The following MCOLN2 variants were observed in gnomAD, a reference collection of about 807,000 sequenced individuals.
MCOLN2 encodes the protein mucolipin TRP cation channel 2.
In MCOLN2, 57 loss-of-function variants were observed where a neutral mutation model predicts 67.5. The ratio of observed to expected loss-of-function variants is 0.84; its 90% CI spans 0.68 to 1.05. MCOLN2 has a LOEUF of 1.05. Ranked by LOEUF, MCOLN2 falls within the 50% of genes least tolerant of loss-of-function variation. The probability of loss-of-function intolerance (pLI) is 0.00; values close to 1 mark genes in which losing one functional copy is unlikely to be tolerated. For missense variants in MCOLN2, 620 were observed against 678.8 expected (o/e 0.91, Z 0.96); for synonymous variants, 246 against 233.3 (o/e 1.05, Z -0.50).
At chr1:84,989,115 G>A (rs994764731) in intron 1 of MCOLN2, among the ~76,000 whole-genome samples, 1 of 152,104 alleles carries the variant, frequency 6.6e-6, no homozygotes, top group Non-Finnish European at 1.5e-5. Flanking sequence ...TGAAGGGTGG[G>A]TCTTGTTTAT....
intron 7 of MCOLN2, among the ~76,000 whole-genome samples, chr1:84,946,446 G>C (rs1346568099): frequency 2.6e-5 from 4 of 152,222 alleles, no homozygotes; most frequent in Non-Finnish European, 5.9e-5. Flanking sequence ...ATCCTGGAAG[G>C]TAAGTTTAGG....
chr1:84,940,209 G>A (rs1326821293), intron 8 of MCOLN2, among the ~76,000 whole-genome samples: 1 of 152,124 alleles, frequency 6.6e-6, no homozygotes, highest in Non-Finnish European at 1.5e-5. Flanking sequence ...TAAGAAAGGT[G>A]GATATTTACA....
In MCOLN2 at chr1:84,987,529, CATCTAT is replaced by C. The variant is rs1557665761; in HGVS notation, c.77+9261_77+9266del. Among the ~76,000 whole-genome samples the C allele has an allele frequency of 2.2e-3, 25 of 11,220 alleles. 1 individual carries two copies. Among genetic ancestry groups the C allele is most frequent in the African/African-American group, 5.5e-3 (21 of 3,822 alleles). The allele number at this position is 11,220 out of a possible 152,430, so 7.4% of individuals were successfully genotyped here. ...ATGTATACATATGTATATATGTATA[CATCTAT>C]GTATACATAGATGTATACATCTATG... On this transcript the variant is annotated intron_variant, in intron 1 of 13. Coordinates refer to ENST00000370608, the MANE Select transcript of MCOLN2 (RefSeq NM_153259.4).
chr1:84,957,746 C>A (rs374468225), intron 3 of MCOLN2, among the ~76,000 whole-genome samples: 50 of 152,286 alleles, frequency 3.3e-4, no homozygotes, highest in Middle Eastern at 3.4e-3. Context: ...TCTCAGGGAG[C>A]TAGCATTTGA....
At chr1:84,962,033 C>T (rs1483524179) in intron 2 of MCOLN2, among the ~76,000 whole-genome samples, 1 of 151,830 alleles carries the variant, frequency 6.6e-6, no homozygotes, top group Non-Finnish European at 1.5e-5. Flanking sequence ...GGATGAAACA[C>T]AAAAAGACAG....
At chr1:84,947,764 G>C (rs1398838826) in intron 6 of MCOLN2, among the ~76,000 whole-genome samples, 1 of 152,054 alleles carries the variant, frequency 6.6e-6, no homozygotes, top group Middle Eastern at 3.2e-3. Flanking sequence ...TGCTAACAGA[G>C]TGTGTTCTGC....
intron 7 of MCOLN2, 70 bp downstream of exon 7, chr1:84,946,963 A>T (rs1009541304): frequency 1.3e-6 from 1 of 755,986 alleles, no homozygotes. Flanking sequence ...CCATTTAAAT[A>T]CCCCAAGCCA....
intron 1 of MCOLN2, among the ~76,000 whole-genome samples, chr1:84,984,399 T>C (rs1650403652): frequency 6.6e-6 from 1 of 151,902 alleles, no homozygotes. Context: ...ATCAATGCTT[T>C]TGCACAATCC....
chr1:84,940,101 C>T (rs661941), intron 8 of MCOLN2, among the ~76,000 whole-genome samples: 5,172 of 151,886 alleles, frequency 0.034, 297 homozygotes, highest in African/African-American at 0.11. Flanking sequence ...CCAGGCAGGC[C>T]GGCTCCAGAG....
At chr1:84,985,125 T>C (rs1371984247) in intron 1 of MCOLN2, among the ~76,000 whole-genome samples, 1 of 151,934 alleles carries the variant, frequency 6.6e-6, no homozygotes, top group Non-Finnish European at 1.5e-5. Flanking sequence ...AGCCATCTGA[T>C]GGAACGAACC....
intron 1 of MCOLN2, among the ~76,000 whole-genome samples, chr1:84,995,601 A>T (rs1344448904): frequency 2.6e-5 from 4 of 152,180 alleles, no homozygotes; most frequent in Admixed American, 2.6e-4. Flanking sequence ...TAGTCACAAG[A>T]AGCCATCTCT....
chr1:84,965,068 A>G (rs946828594), intron 2 of MCOLN2, among the ~76,000 whole-genome samples: 33 of 152,310 alleles, frequency 2.2e-4, no homozygotes, highest in African/African-American at 7.9e-4. Context: ...GGTAATAAAG[A>G]GCTCAATAAT....
chr1:84,996,899 C>T lies in MCOLN2; in HGVS notation c.-27G>A, dbSNP rs11161503. 13 of 1,606,142 alleles carry T rather than the reference C, an allele frequency of 8.1e-6. No individual in the cohort carries two copies. The highest frequency in any genetic ancestry group is 4.5e-5 in the East Asian group (2 of 44,788). On this transcript the variant is annotated 5_prime_UTR_variant, in exon 1 of 14. Coordinates refer to ENST00000370608, the MANE Select transcript of MCOLN2 (RefSeq NM_153259.4). ...CCTCCTCCTTCAAAACTTTCCAGGG[C>T]TCTCGGGATTCGGAACAGGAAACAC...
intron 13 of MCOLN2, among the ~76,000 whole-genome samples, chr1:84,928,238 T>C (rs567249343): frequency 2.0e-5 from 3 of 152,348 alleles, no homozygotes; most frequent in East Asian, 3.9e-4. Context: ...GTGGGCTCTC[T>C]TGTTCCCTCA....
intron 1 of MCOLN2, among the ~76,000 whole-genome samples, chr1:84,989,580 T>A (rs967751340): frequency 3.3e-5 from 5 of 152,084 alleles, no homozygotes; most frequent in African/African-American, 1.2e-4. Context: ...GACATATTTT[T>A]AAAACAAAAT....
At chr1:84,967,977 G>A (rs948460638) in intron 1 of MCOLN2, among the ~76,000 whole-genome samples, 25 of 152,122 alleles carry the variant, frequency 1.6e-4, no homozygotes, top group African/African-American at 5.8e-4. Context: ...AGATTGAAGA[G>A]TTAAGGAGAG....
intron 1 of MCOLN2, among the ~76,000 whole-genome samples, chr1:84,996,068 A>G (rs992063765): frequency 3.5e-4 from 53 of 152,158 alleles, no homozygotes; most frequent in African/African-American, 1.2e-3. Flanking sequence ...GAAGAGGAAG[A>G]CAGGCTAAAG....
intron 7 of MCOLN2, among the ~76,000 whole-genome samples, chr1:84,945,526 C>G (rs1170438461): frequency 6.6e-6 from 1 of 152,074 alleles, no homozygotes; most frequent in Non-Finnish European, 1.5e-5. Flanking sequence ...CAGCAGGCCA[C>G]AAATCAAATA....
intron 1 of MCOLN2, among the ~76,000 whole-genome samples, chr1:84,975,885 A>C (rs958983878): frequency 6.6e-6 from 1 of 152,176 alleles, no homozygotes. Flanking sequence ...TGCAATTGGC[A>C]TAAGGAAGAA....
Sources: gnomAD v4.1 joint callset for allele counts (sites outside exome capture counted in the v4.1 genomes callset) on GRCh38, gnomAD v4.1.1 for gene constraint, MANE v1.5 for transcripts, NCBI Gene and HGNC (gene_info 2026-07-23, HGNC 2026-07-21) for gene names.